The following ZNF565 variants were observed in gnomAD, a reference collection of about 807,000 sequenced individuals.
ZNF565 encodes the protein zinc finger protein 565.
In ZNF565, 27 loss-of-function variants were observed where a neutral mutation model predicts 39.4. The ratio of observed to expected loss-of-function variants is 0.69; its 90% CI spans 0.51 to 0.95. ZNF565 has a LOEUF of 0.95. ZNF565 is among the 40% of genes least tolerant of loss of function. ZNF565 has a pLI of 0.00. For synonymous variants in ZNF565, 185 were observed against 216.6 expected (o/e 0.85, Z 1.28); for missense variants, 524 against 621.1 (o/e 0.84, Z 1.66).
Position 36,182,300 on chromosome 19 carries a change from T to A in ZNF565, c.*166A>T. 1.9e-6 allele frequency: 1 copy of A among 515,000 alleles called. No individual in the cohort carries two copies. Among genetic ancestry groups the A allele is most frequent in the Non-Finnish European group, 3.2e-6 (1 of 314,086 alleles). 31.9% of individuals were successfully genotyped at this position (515,000 alleles called of 1,614,324 possible). ...AAACAGTGAGTGAGGCAAAAAGAATTCCCACATTTATTTAATTTTCTTTGG... is the reference window on the plus strand; with the variant it reads ...AAACAGTGAGTGAGGCAAAAAGAATACCCACATTTATTTAATTTTCTTTGG... On this transcript the variant is annotated 3_prime_UTR_variant, in exon 5 of 5. Coordinates refer to ENST00000304116, the MANE Select transcript of ZNF565 (RefSeq NM_152477.5).
intron 1 of ZNF565, among the ~76,000 whole-genome samples, chr19:36,204,654 T>G (rs1438868639): frequency 6.6e-6 from 1 of 152,192 alleles, no homozygotes; most frequent in African/African-American, 2.4e-5. Flanking sequence ...CTCTAGAATC[T>G]AGAGGCAGAT....
At chr19:36,196,918 G>A (rs751467805) in intron 2 of ZNF565, among the ~76,000 whole-genome samples, 4 of 152,102 alleles carry the variant, frequency 2.6e-5, no homozygotes, top group Non-Finnish European at 4.4e-5. Flanking sequence ...TTAGCTGCGC[G>A]TGGTGGCAGG....
Position 36,241,257 on chromosome 19 carries a change from G to A in ZNF565, c.55+4219C>T, listed in dbSNP as rs182567982. On this transcript the variant is annotated intron_variant, in intron 1 of 4. Coordinates refer to the ZNF565 transcript ENST00000355114. ...TCCCAGCACTTTGGGAGGCCAAGGCGGGCGGATCACAAGGTCAGGAGTTCG... is the reference window on the plus strand; with the variant it reads ...TCCCAGCACTTTGGGAGGCCAAGGCAGGCGGATCACAAGGTCAGGAGTTCG... 1.5e-3 allele frequency among the ~76,000 whole-genome samples: 231 copies of A among 152,116 alleles called. 1 individual carries two copies. Among genetic ancestry groups the A allele is most frequent in the African/African-American group, 5.4e-3 (224 of 41,494 alleles).
intron 1 of ZNF565, among the ~76,000 whole-genome samples, chr19:36,207,196 G>A (rs568772074): frequency 6.6e-6 from 1 of 152,270 alleles, no homozygotes; most frequent in African/African-American, 2.4e-5. Flanking sequence ...TTATTCTTAA[G>A]GAAAACAGGA....
intron 1 of ZNF565, among the ~76,000 whole-genome samples, chr19:36,239,309 T>C (rs1361835336): frequency 6.6e-6 from 1 of 151,178 alleles, no homozygotes; most frequent in Non-Finnish European, 1.5e-5. Context: ...GCATTAAATA[T>C]TAAATTTTTG....
intron 1 of ZNF565, among the ~76,000 whole-genome samples, chr19:36,235,221 G>GAAAA (rs10664200): frequency 0.26 from 38,576 of 148,784 alleles, 5,354 homozygotes; most frequent in African/African-American, 0.37. Context: ...AAAAAAAAAA[G>GAAAA]AAGAAAGAAA....
intron 1 of ZNF565, chr19:36,203,582 T>G (rs1197123346): frequency 6.6e-6 from 1 of 152,256 alleles, no homozygotes; most frequent in Admixed American, 6.6e-5. Context: ...GGAGGGTTCT[T>G]TTTTTCCTTT....
chr19:36,239,123 C>T (rs909126637), intron 1 of ZNF565, among the ~76,000 whole-genome samples: 2 of 152,068 alleles, frequency 1.3e-5, no homozygotes, highest in Non-Finnish European at 2.9e-5. Context: ...GGTTGGGGAC[C>T]GCTGCACTAT....
intron 1 of ZNF565, among the ~76,000 whole-genome samples, chr19:36,243,035 T>G (rs1343639392): frequency 6.6e-6 from 1 of 151,986 alleles, no homozygotes; most frequent in South Asian, 2.1e-4. Flanking sequence ...TTTGGTCTTT[T>G]TGTTTGTTTG....
chr19:36,194,380 C>T (rs751294856), intron 3 of ZNF565, 52 bp from the exon 4 acceptor site: 10 of 1,432,018 alleles, frequency 7.0e-6, no homozygotes, highest in Middle Eastern at 1.8e-4. Context: ...AAAATCCAAA[C>T]CCAGTTCCCT....
chr19:36,201,890 AG>A (rs1307146409), intron 2 of ZNF565, 86 bp downstream of exon 2: 4 of 1,493,698 alleles, frequency 2.7e-6, no homozygotes, highest in East Asian at 2.3e-5. Flanking sequence ...AGAAGGATAC[AG>A]GGAAGTTCCA....
chr19:36,212,888 A>C (rs1976412675), intron 1 of ZNF565: 8 of 152,162 alleles, frequency 5.3e-5, no homozygotes, highest in Admixed American at 5.2e-4. Context: ...GTCCTGAAAA[A>C]CAAGAAGGAT....
At chr19:36,192,146 G>A (rs1030041349) in intron 4 of ZNF565, among the ~76,000 whole-genome samples, 18 of 151,434 alleles carry the variant, frequency 1.2e-4, no homozygotes, top group Non-Finnish European at 2.5e-4. Context: ...CCGCCACCAC[G>A]CCCAGCTAAT....
chr19:36,229,972 G>A (rs1243805108), intron 1 of ZNF565, among the ~76,000 whole-genome samples: 1 of 152,094 alleles, frequency 6.6e-6, no homozygotes, highest in Non-Finnish European at 1.5e-5. Flanking sequence ...TGCCTGCCTC[G>A]GCCTCTCAAA....
intron 2 of ZNF565, among the ~76,000 whole-genome samples, chr19:36,200,403 A>T (rs1444675057): frequency 6.6e-6 from 1 of 152,136 alleles, no homozygotes; most frequent in Admixed American, 6.6e-5. Flanking sequence ...TATGAAACAT[A>T]ACTCTATTGT....
intron 1 of ZNF565, among the ~76,000 whole-genome samples, chr19:36,208,241 T>A (rs1976230440): frequency 6.9e-6 from 1 of 145,030 alleles, no homozygotes; most frequent in South Asian, 2.1e-4. Flanking sequence ...AGGGACAGGA[T>A]CTCACTCTCA....
At chr19:36,216,061 G>A (rs1346480433), upstream of ZNF565, among the ~76,000 whole-genome samples, 3 of 152,112 alleles carry the variant, frequency 2.0e-5, no homozygotes, top group East Asian at 3.8e-4. Context: ...TGTCGTCATT[G>A]ACATAGTTTT....
chr19:36,239,326 T>C (rs1053256544), intron 1 of ZNF565, among the ~76,000 whole-genome samples: 6 of 139,658 alleles, frequency 4.3e-5, no homozygotes, highest in East Asian at 2.0e-4. Context: ...TTTGATAATA[T>C]CTTTTTTTTT....
At chr19:36,221,927 CT>C (rs60347994) in intron 1 of ZNF565, among the ~76,000 whole-genome samples, 4,029 of 109,878 alleles carry the variant, frequency 0.037, 57 homozygotes, top group African/African-American at 0.11. Flanking sequence ...TTTTTTCTTT[CT>C]TTTTTTTTTT....
Sources: gnomAD v4.1 joint callset for allele counts (sites outside exome capture counted in the v4.1 genomes callset) on GRCh38, gnomAD v4.1.1 for gene constraint, MANE v1.5 for transcripts, NCBI Gene and HGNC (gene_info 2026-07-23, HGNC 2026-07-21) for gene names.